Variants in SRPX observed in about 807,000 individuals in gnomAD.
The protein encoded by SRPX is sushi repeat containing protein X-linked, also known as sushi repeat-containing protein SRPX.
In SRPX, 24 loss-of-function variants were observed where a neutral mutation model predicts 38.1. The observed-to-expected ratio is 0.63, with a 90% CI of 0.46 to 0.89. The LOEUF is 0.89. Among genes scored for constraint, SRPX ranks in the 40% least tolerant of loss-of-function variants. SRPX has a pLI of 0.00. For synonymous variants in SRPX, 184 were observed against 153.8 expected (o/e 1.20, Z -1.45); for missense variants, 416 against 377.8 (o/e 1.10, Z -0.84).
At chrX:38,155,630 A>C (rs1261568391) in intron 8 of SRPX, among the ~76,000 whole-genome samples, 3 of 112,648 alleles carry the variant, frequency 2.7e-5, no homozygotes, top group Non-Finnish European at 3.7e-5. Context: ...GTCCAATAAA[A>C]GTTAATTTAC....
chrX:38,184,176 A>T (rs146499748), intron 1 of SRPX, among the ~76,000 whole-genome samples: 94 of 111,708 alleles, frequency 8.4e-4, no homozygotes, highest in African/African-American at 2.9e-3. Context: ...TAAGGTAGGG[A>T]TGTGGTAGAG....
In SRPX at chrX:38,149,697, G is replaced by C. The variant is rs1347470721; in HGVS notation, c.*14C>G. 4.2e-6 allele frequency: 5 copies of C among 1,200,224 alleles called. No homozygotes were observed. In the Admixed American group the frequency reaches 1.1e-4, roughly 27 times the overall value. The stretch of plus-strand genomic sequence containing the variant: ...AGACAATGAAGAGGAATTGCCAAGA[G>C]AGGAACCATCATGTCAGGTGTTACA... On this transcript the variant is annotated 3_prime_UTR_variant, in exon 10 of 10. Coordinates refer to ENST00000378533, the MANE Select transcript of SRPX (RefSeq NM_006307.5).
chrX:38,179,765 C>T (rs761291300), intron 1 of SRPX, among the ~76,000 whole-genome samples: 1 of 111,538 alleles, frequency 9.0e-6, no homozygotes, highest in East Asian at 2.8e-4. Context: ...TCTCTGCACA[C>T]CCAGATGTGT....
intron 1 of SRPX, among the ~76,000 whole-genome samples, chrX:38,195,646 C>T (rs1299936586): frequency 9.0e-6 from 1 of 111,269 alleles, no homozygotes; most frequent in Non-Finnish European, 1.9e-5. Flanking sequence ...TCTTGGAAGA[C>T]AATCTGATGC....
At chrX:38,165,960 C>G (rs1417779376) in intron 4 of SRPX, among the ~76,000 whole-genome samples, 2 of 112,161 alleles carry the variant, frequency 1.8e-5, no homozygotes, top group African/African-American at 6.5e-5. Flanking sequence ...CAACTCTACA[C>G]TGGGTTGTAT....
At chrX:38,195,751 T>C (rs1938988926) in intron 1 of SRPX, among the ~76,000 whole-genome samples, 1 of 111,992 alleles carries the variant, frequency 8.9e-6, no homozygotes, top group Non-Finnish European at 1.9e-5. Context: ...CTCAACATTT[T>C]ACTTGTAGGA....
intron 9 of SRPX, among the ~76,000 whole-genome samples, chrX:38,150,737 A>G (rs1937995741): frequency 1.8e-5 from 2 of 112,447 alleles, no homozygotes; most frequent in African/African-American, 6.5e-5. Context: ...TTGATTAATC[A>G]TAATTTGTAC....
At chrX:38,173,246 G>A (rs1018854643) in intron 3 of SRPX, among the ~76,000 whole-genome samples, 6 of 112,084 alleles carry the variant, frequency 5.4e-5, no homozygotes, top group African/African-American at 1.9e-4. Context: ...GAATACCAAA[G>A]ACATCTAAAA....
intron 5 of SRPX, 36 bp from the exon 6 acceptor site, chrX:38,161,090 A>G (rs1172460591): frequency 1.7e-6 from 2 of 1,198,566 alleles, no homozygotes; most frequent in Non-Finnish European, 1.1e-6. Context: ...GAAAGATGAC[A>G]TTATGGACCT....
chrX:38,211,342 C>T (rs1282577577), intron 1 of SRPX, among the ~76,000 whole-genome samples: 1 of 111,913 alleles, frequency 8.9e-6, no homozygotes, highest in Non-Finnish European at 1.9e-5. Context: ...TCAAAATACA[C>T]AGAGGCGGAG....
At chrX:38,208,836 C>G (rs947023861) in intron 1 of SRPX, among the ~76,000 whole-genome samples, 3 of 104,030 alleles carry the variant, frequency 2.9e-5, no homozygotes, top group Non-Finnish European at 5.9e-5. Flanking sequence ...TGCCAGCACA[C>G]CTGACTAATT....
In SRPX at chrX:38,178,300, G is replaced by T. The variant is rs758611186; in HGVS notation, c.142C>A (p.His48Asn). ...AAGCATTCACCTTTATATCTAGGGT[G>T]TGAATACCCGACTTCATCGTCTTCT... ...PLEDDEVGYS[H>N]PRYKDTPWCS... The change falls in exon 2 of 10, where the codon CAC becomes AAC. Residue 48 changes from histidine to asparagine, a missense_variant. Transcript: ENST00000378533. 8.3e-7 allele frequency: 1 copy of T among 1,209,694 alleles called. No individual in the cohort carries two copies. Among genetic ancestry groups the T allele is most frequent in the Non-Finnish European group, 1.1e-6 (1 of 894,055 alleles).
At chrX:38,172,175 C>G in intron 3 of SRPX, 118 bp from the exon 4 acceptor site, 1 of 783,586 alleles carries the variant, frequency 1.3e-6, no homozygotes, top group African/African-American at 2.1e-5. Flanking sequence ...ATAAGAAGGC[C>G]AGGCGCAGTG....
intron 1 of SRPX, among the ~76,000 whole-genome samples, chrX:38,190,549 G>A (rs1431953982): frequency 1.8e-5 from 2 of 111,735 alleles, no homozygotes; most frequent in Admixed American, 1.9e-4. Context: ...TGAAAGCACC[G>A]ATTTCTCCAT....
At chrX:38,163,519 A>C (rs1349193932) in intron 5 of SRPX, among the ~76,000 whole-genome samples, 2 of 112,061 alleles carry the variant, frequency 1.8e-5, no homozygotes, top group Non-Finnish European at 3.8e-5. Context: ...GGGAATATGA[A>C]GGCCAACCAA....
chrX:38,167,301 G>C (rs1008018282), intron 4 of SRPX, among the ~76,000 whole-genome samples: 1 of 111,002 alleles, frequency 9.0e-6, no homozygotes, highest in African/African-American at 3.3e-5. Flanking sequence ...AGTGTTTTCC[G>C]CCAACCTTTG....
In SRPX at chrX:38,153,826, C is replaced by T. The variant is rs748862475; in HGVS notation, c.1211+636G>A. 2.7e-5 allele frequency: 3 copies of T among 111,928 alleles called. No individual in the cohort carries two copies. The East Asian group carries it at 8.4e-4, about 32-fold the overall frequency. 9.2% of individuals were successfully genotyped at this position (111,928 alleles called of 1,213,427 possible). On this transcript the variant is annotated intron_variant, in intron 9 of 9. Coordinates refer to ENST00000378533, the MANE Select transcript of SRPX (RefSeq NM_006307.5). ...AAACAGAGATCTGTACTCTCCCATG[C>T]AGTGTGTGAGAGAAAAGGCTGGGTG...
rs146512549 is a variant in SRPX, at chrX:38,180,760, T to C, written c.98-2416A>G. On this transcript the variant is annotated intron_variant, in intron 1 of 9. Transcript: ENST00000378533. Reference sequence around the variant, plus strand: ...AACTTAAATATCCAACTACAAGAAATGGTCAATCATATTATGATCCATTCA... The same window carrying C: ...AACTTAAATATCCAACTACAAGAAACGGTCAATCATATTATGATCCATTCA... Among the ~76,000 whole-genome samples, 327 of 112,305 alleles carry C rather than the reference T, an allele frequency of 2.9e-3. 3 individuals are homozygous for C. In the East Asian group the frequency reaches 0.035, roughly 12 times the overall value.
At chrX:38,212,841 C>T (rs1464148720) in intron 1 of SRPX, among the ~76,000 whole-genome samples, 1 of 103,586 alleles carries the variant, frequency 9.7e-6, no homozygotes, top group Non-Finnish European at 1.9e-5. Context: ...AGTCTTGAAT[C>T]CTTGGACTCA....
Sources: allele counts gnomAD v4.1 joint callset (sites outside exome capture counted in the v4.1 genomes callset), GRCh38; gene constraint gnomAD v4.1.1; transcripts MANE v1.5; gene names NCBI Gene and HGNC (gene_info 2026-07-23, HGNC 2026-07-21).